SLC6A16: variants seen among roughly 807,000 people sequenced by gnomAD.
SLC6A16 encodes orphan sodium- and chloride-dependent neurotransmitter transporter NTT5.
SLC6A16 carries 54 observed loss-of-function variants against 65.4 expected under a neutral mutation model. The ratio of observed to expected loss-of-function variants is 0.83; its 90% confidence interval spans 0.66 to 1.04. The LOEUF (loss-of-function observed/expected upper bound fraction) is 1.04. Ranked by LOEUF, SLC6A16 falls within the 50% of genes least tolerant of loss-of-function variation. The probability of loss-of-function intolerance (pLI) is 0.00; values close to 1 mark genes in which losing one functional copy is unlikely to be tolerated. For missense variants in SLC6A16, 816 were observed against 914.0 expected (o/e 0.89, Z 1.38); for synonymous variants, 330 against 346.5 (o/e 0.95, Z 0.53).
intron 1 of SLC6A16, among the ~76,000 whole-genome samples, chr19:49,324,837 G>T (rs973186470): frequency 6.6e-6 from 1 of 152,196 alleles, no homozygotes; most frequent in Non-Finnish European, 1.5e-5. Context: ...GAGGAGAGCC[G>T]AAGACAGTTT....
intron 5 of SLC6A16, 113 bp downstream of exon 5, chr19:49,309,538 G>T: frequency 2.4e-6 from 3 of 1,262,126 alleles, no homozygotes; most frequent in Non-Finnish European, 3.4e-6. Context: ...AAGAGTCAGG[G>T]GCTAGGGGAG....
chr19:49,339,976 G>T, the SLC6A16 span: 1 of 1,426,282 alleles, frequency 7.0e-7, no homozygotes, highest in East Asian at 2.6e-5. The surrounding 1 kb of genome is among the most constrained non-coding windows in gnomAD (Gnocchi z 4.5). Flanking sequence ...GGCAGAGGGG[G>T]AAGACAGATG....
intron 7 of SLC6A16, among the ~76,000 whole-genome samples, chr19:49,297,635 A>G (rs1246492841): frequency 6.6e-6 from 1 of 152,240 alleles, no homozygotes; most frequent in South Asian, 2.1e-4. Context: ...GGACTTGTAC[A>G]TGAACTCTCA....
intron 2 of SLC6A16, 21 bp from the exon 3 acceptor site, chr19:49,310,531 G>A: frequency 1.2e-6 from 2 of 1,613,674 alleles, no homozygotes; most frequent in South Asian, 1.1e-5. Flanking sequence ...GATTCAGAAG[G>A]GACTCTGAGA....
At chr19:49,335,651 C>G in the SLC6A16 span, 2 of 1,608,652 alleles carry the variant, frequency 1.2e-6, no homozygotes, top group Non-Finnish European at 1.7e-6. This position sits in a 1 kb window ranked among gnomAD's most constrained non-coding sequence, Gnocchi z 4.6. Context: ...CCAGCCCCTG[C>G]CGCTAACCCA....
At chr19:49,309,990 C>G in intron 4 of SLC6A16, 50 bp downstream of exon 4, 1 of 1,590,884 alleles carries the variant, frequency 6.3e-7, no homozygotes, top group East Asian at 2.2e-5. Flanking sequence ...TTCCCTTCTA[C>G]TTCTACTTCT....
At chr19:49,338,350 C>A in the SLC6A16 span, 2 of 618,820 alleles carry the variant, frequency 3.2e-6, no homozygotes, top group African/African-American at 1.9e-5. The surrounding 1 kb of genome is among the most constrained non-coding windows in gnomAD (Gnocchi z 5.0). Flanking sequence ...GTGACTCTGG[C>A]TTCCACCGGA....
rs1226923930 is a variant in SLC6A16, at chr19:49,309,841, C to T, written c.701-15G>A. 2 of 1,604,172 alleles carry T rather than the reference C, an allele frequency of 1.2e-6. No homozygotes were observed. Among genetic ancestry groups the T allele is most frequent in the African/African-American group, 2.7e-5 (2 of 74,708 alleles). On this transcript the variant is annotated splice_polypyrimidine_tract_variant and intron_variant, in intron 4 of 11. Coordinates refer to ENST00000335875, the MANE Select transcript of SLC6A16 (RefSeq NM_014037.3). ...ACATTCAGGATCTGGGGGGACCTGG[C>T]TTTAGACATGCCTGCTAGACAAGGT...
Position 49,290,091 on chromosome 19 carries a change from G to A in SLC6A16, c.*32C>T. 1 of 1,602,968 alleles carries A rather than the reference G, an allele frequency of 6.2e-7. No individual in the cohort carries two copies. Among genetic ancestry groups the A allele is most frequent in the East Asian group, 2.2e-5 (1 of 44,848 alleles). On this transcript the variant is annotated 3_prime_UTR_variant, in exon 12 of 12. Coordinates refer to ENST00000335875, the MANE Select transcript of SLC6A16 (RefSeq NM_014037.3). ...GAGTTGTCTATTGGATCTGTTCTAA[G>A]GGATATGTTATGTGAAGCCAAATTA... is the stretch of plus-strand genomic sequence containing the variant.
rs377673703 is a variant in SLC6A16 at position 49,310,151 on chromosome 19, C to A, written c.589G>T (p.Gly197Cys). ...YSSFMVCFIL[G>C]LYFNVVNSWI... is the part of the protein sequence containing the mutation. ...GAATTGACCACATTGAAGTACAGGC[C>A]GAGGATGAAGCACACCTGGGGGCCA... Residue 197 changes from glycine to cysteine, a missense_variant, in exon 4 of 12, where the codon GGC becomes TGC. Physicochemically the swap from Gly to Cys is radical, Grantham distance 159 (BLOSUM62 -3). Coordinates refer to ENST00000335875, the MANE Select transcript of SLC6A16 (RefSeq NM_014037.3). The A allele has an allele frequency of 5.0e-6, 8 of 1,613,908 alleles. No individual in the cohort carries two copies. The South Asian group carries it at 7.7e-5, about 16-fold the overall frequency.
intron 7 of SLC6A16, among the ~76,000 whole-genome samples, chr19:49,305,138 C>A (rs557706675): frequency 6.6e-6 from 1 of 152,196 alleles, no homozygotes; most frequent in African/African-American, 2.4e-5. Flanking sequence ...TCCTATACTT[C>A]GCTTCAAGAC....
chr19:49,310,969 A>G lies in SLC6A16; in HGVS notation c.379T>C (p.Trp127Arg), dbSNP rs746958635. Residue 127 changes from tryptophan (W) to arginine (R), a missense_variant, in exon 2 of 12, where the codon TGG becomes CGG. Trp to Arg is a moderately radical substitution (Grantham distance 101). Transcript: ENST00000335875. ...VGFSMKPSCLWRFAYLWLNSG... is the reference protein window; with the variant it reads ...VGFSMKPSCLRRFAYLWLNSG... The stretch of plus-strand genomic sequence containing the variant: ...TTAAGCCACAGGTAGGCAAAGCGCC[A>G]GAGACAAGATGGCTTCATAGAGAAG... 9.9e-6 allele frequency: 16 copies of G among 1,614,056 alleles called. No individual in the cohort carries two copies. In the Middle Eastern group the frequency reaches 4.9e-4, roughly 50 times the overall value.
In SLC6A16 at chr19:49,290,622, A is replaced by G; in HGVS notation, c.1924T>C (p.Ser642Pro). ...AGGCTCACGGTGCTTGAGTCCCAGG[A>G]CATGTAGGTGATCGGCTTCATACAA... ...HLCMKPITYM[S>P]WDSSTSKEVL... is the part of the protein sequence containing the mutation. The change falls in exon 11 of 12, where the codon TCC (serine) becomes CCC (proline). Residue 642 changes from serine (S) to proline (P), a missense_variant. Physicochemically the swap from Ser to Pro is moderately conservative, Grantham distance 74. Coordinates refer to ENST00000335875, the MANE Select transcript of SLC6A16 (RefSeq NM_014037.3). The G allele has an allele frequency of 6.2e-7, 1 of 1,614,142 alleles. No individual in the cohort carries two copies. The highest frequency in any genetic ancestry group is 8.5e-7 in the Non-Finnish European group (1 of 1,180,038).
Position 49,311,280 on chromosome 19 carries a change from G to A in SLC6A16, c.68C>T (p.Ser23Phe), listed in dbSNP as rs367858625. The change falls in exon 2 of 12, where the codon TCT (serine) becomes TTT (phenylalanine). Residue 23 changes from serine (S) to phenylalanine (F), a missense_variant. By Grantham distance (155) the Ser-to-Phe change is radical. Transcript: ENST00000335875. The stretch of plus-strand genomic sequence containing the variant: ...CGTTTGACTTCCTGGGACACTGTCA[G>A]AAATCACTGTGCCAGTCCATGAGGT... ...ANTSWTGTVI[S>F]DSVPGSQTWE... 2 of 1,613,056 alleles carry A rather than the reference G, an allele frequency of 1.2e-6. No individual in the cohort carries two copies. Among genetic ancestry groups the A allele is most frequent in the Non-Finnish European group, 1.7e-6 (2 of 1,179,530 alleles).
chr19:49,337,750 C>T, the SLC6A16 span: 4 of 1,536,380 alleles, frequency 2.6e-6, no homozygotes, highest in Admixed American at 2.0e-5. Flanking sequence ...ACTTATGAGC[C>T]GTAGAAATAG....
upstream of SLC6A16, among the ~76,000 whole-genome samples, chr19:49,329,510 C>T (rs1175649688): frequency 6.7e-6 from 1 of 150,286 alleles, no homozygotes; most frequent in South Asian, 2.2e-4. Context: ...CAGCCGGGAG[C>T]GGTGGCTTGC....
intron 1 of SLC6A16, among the ~76,000 whole-genome samples, chr19:49,323,616 A>C (rs983661575): frequency 1.3e-5 from 2 of 152,238 alleles, no homozygotes; most frequent in African/African-American, 2.4e-5. Context: ...AAAGATGTTC[A>C]ACGTCACTAA....
At chr19:49,338,592 C>T in the SLC6A16 span, 1 of 794,250 alleles carries the variant, frequency 1.3e-6, no homozygotes, top group East Asian at 2.5e-5. The surrounding 1 kb of genome is among the most constrained non-coding windows in gnomAD (Gnocchi z 5.0). Flanking sequence ...ACACCCACCA[C>T]TTAGTCCCCT....
chr19:49,318,601 C>T (rs1032688014), intron 1 of SLC6A16, among the ~76,000 whole-genome samples: 2 of 152,176 alleles, frequency 1.3e-5, no homozygotes, highest in African/African-American at 4.8e-5. Flanking sequence ...AATTAACACA[C>T]CATAACACTA....
Sources: gnomAD v4.1 joint callset for allele counts (sites outside exome capture counted in the v4.1 genomes callset) on GRCh38, gnomAD v4.1.1 for gene constraint, Gnocchi (gnomAD v3.1) non-coding constraint, MANE v1.5 for transcripts, NCBI Gene and HGNC (gene_info 2026-07-23, HGNC 2026-07-21) for gene names.